The following MARCHF11 variants were observed in gnomAD, a reference collection of about 807,000 sequenced individuals.
The protein encoded by MARCHF11 is E3 ubiquitin-protein ligase MARCHF11.
Under a neutral mutation model 37.3 loss-of-function variants are expected in MARCHF11, and 29 were observed. That is an observed-to-expected ratio of 0.78 (90% CI 0.58 to 1.06). The LOEUF (loss-of-function observed/expected upper bound fraction) is 1.06. Ranked by LOEUF, MARCHF11 falls within the 50% of genes least tolerant of loss-of-function variation. The pLI is 0.00. For missense variants in MARCHF11, 482 were observed against 533.4 expected, an observed-to-expected ratio of 0.90 and a Z score of 0.95; for synonymous variants, 233 against 228.0, an observed-to-expected ratio of 1.02 and a Z score of -0.20.
At chr5:16,120,675 C>T (rs1737295718) in intron 2 of MARCHF11, among the ~76,000 whole-genome samples, 1 of 152,240 alleles carries the variant, frequency 6.6e-6, no homozygotes, top group Non-Finnish European at 1.5e-5. Context: ...CCATCAAGAG[C>T]TGGAATCTAT....
chr5:16,164,134 T>C (rs1188565111), intron 2 of MARCHF11, among the ~76,000 whole-genome samples: 2 of 152,042 alleles, frequency 1.3e-5, no homozygotes, highest in Admixed American at 6.6e-5. Context: ...TAGTTTGTTA[T>C]AACAGCACAA....
intron 2 of MARCHF11, among the ~76,000 whole-genome samples, chr5:16,097,564 T>C (rs750170126): frequency 6.6e-6 from 1 of 152,144 alleles, no homozygotes; most frequent in Non-Finnish European, 1.5e-5. Flanking sequence ...ATACTACAAA[T>C]AGCTGTATGC....
intron 3 of MARCHF11, among the ~76,000 whole-genome samples, chr5:16,071,497 TTTTAA>T (rs1736437076): frequency 6.6e-6 from 1 of 152,130 alleles, no homozygotes; most frequent in Non-Finnish European, 1.5e-5. Context: ...AATAAACAGT[TTTTAA>T]TTTAAGCAAA....
At chr5:16,164,264 G>GA (rs1195248584) in intron 2 of MARCHF11, among the ~76,000 whole-genome samples, 1 of 151,856 alleles carries the variant, frequency 6.6e-6, no homozygotes, top group Non-Finnish European at 1.5e-5. Flanking sequence ...AATATGTGAA[G>GA]AAAAAATGGA....
At chr5:16,113,846 C>T (rs1485837024) in intron 2 of MARCHF11, among the ~76,000 whole-genome samples, 1 of 152,136 alleles carries the variant, frequency 6.6e-6, no homozygotes, top group Non-Finnish European at 1.5e-5. Context: ...TACAGTCTCC[C>T]TACTGTGCTA....
intron 3 of MARCHF11, among the ~76,000 whole-genome samples, chr5:16,081,974 T>G (rs1003779554): frequency 2.0e-4 from 30 of 152,284 alleles, no homozygotes; most frequent in Non-Finnish European, 8.8e-5. Flanking sequence ...CATAACCAAC[T>G]ATGATAATAA....
chr5:16,178,104 A>T (rs1197906151), intron 1 of MARCHF11, among the ~76,000 whole-genome samples: 1 of 152,260 alleles, frequency 6.6e-6, no homozygotes, highest in Non-Finnish European at 1.5e-5. Flanking sequence ...TTCTACCAAC[A>T]TACAAAATGT....
chr5:16,105,639 T>C (rs1579384500), intron 2 of MARCHF11, among the ~76,000 whole-genome samples: 1 of 151,968 alleles, frequency 6.6e-6, no homozygotes, highest in East Asian at 1.9e-4. Context: ...CTGCAGGGGA[T>C]CCCCCAGTCA....
At chr5:16,116,786 G>A (rs1737232684) in intron 2 of MARCHF11, among the ~76,000 whole-genome samples, 1 of 152,168 alleles carries the variant, frequency 6.6e-6, no homozygotes, top group South Asian at 2.1e-4. Flanking sequence ...TTTAAGAAAT[G>A]GGATTTGGGG....
intron 2 of MARCHF11, among the ~76,000 whole-genome samples, chr5:16,146,383 C>A (rs2126594850): frequency 6.6e-6 from 1 of 152,316 alleles, no homozygotes; most frequent in South Asian, 2.1e-4. Flanking sequence ...AGCCTTTCTC[C>A]TTTGCTGAAA....
chr5:16,090,032 A>C (rs1331198634), intron 3 of MARCHF11, among the ~76,000 whole-genome samples: 1 of 152,094 alleles, frequency 6.6e-6, no homozygotes, highest in Admixed American at 6.6e-5. Context: ...TAAAACCCAG[A>C]TGGCTGGGCC....
chr5:16,070,356 C>A (rs551053667), intron 3 of MARCHF11, among the ~76,000 whole-genome samples: 30 of 152,288 alleles, frequency 2.0e-4, no homozygotes, highest in African/African-American at 7.0e-4. Flanking sequence ...CCTCACACTT[C>A]TTCTGGGACG....
intron 2 of MARCHF11, among the ~76,000 whole-genome samples, chr5:16,101,476 T>A (rs972104722): frequency 6.6e-6 from 1 of 152,246 alleles, no homozygotes; most frequent in Non-Finnish European, 1.5e-5. Flanking sequence ...CTAGCTATTA[T>A]TTAAAATCAG....
chr5:16,129,890 T>C (rs1737486830), intron 2 of MARCHF11, among the ~76,000 whole-genome samples: 1 of 152,164 alleles, frequency 6.6e-6, no homozygotes. Context: ...GAGGAAAGCC[T>C]ATCAATGAGA....
intron 2 of MARCHF11, among the ~76,000 whole-genome samples, chr5:16,172,590 T>A (rs925804419): frequency 1.3e-5 from 2 of 152,212 alleles, no homozygotes; most frequent in Non-Finnish European, 2.9e-5. Flanking sequence ...TCTTGAATGA[T>A]TTCAAATGAC....
chr5:16,085,813 G>A lies in MARCHF11; in HGVS notation c.886+5076C>T, dbSNP rs1050879079. Among the ~76,000 whole-genome samples the A allele has an allele frequency of 2.4e-4, 36 of 151,616 alleles. 1 individual carries two copies. Among genetic ancestry groups the A allele is most frequent in the Admixed American group, 1.8e-3 (28 of 15,240 alleles). On this transcript the variant is annotated intron_variant, in intron 3 of 3. Transcript: ENST00000332432. ...TAAAAATACAAAAAATTAGGTGGGC[G>A]CCTGTAGTCCCAGCTACTCAGGAGG...
intron 2 of MARCHF11, among the ~76,000 whole-genome samples, chr5:16,121,594 A>T (rs1189701182): frequency 6.6e-6 from 1 of 152,230 alleles, no homozygotes; most frequent in Non-Finnish European, 1.5e-5. Flanking sequence ...ATCACTGAAG[A>T]GGTGACATTT....
intron 3 of MARCHF11, among the ~76,000 whole-genome samples, chr5:16,083,926 T>C (rs1323021840): frequency 4.6e-5 from 7 of 152,240 alleles, no homozygotes. Context: ...CAAGTAGTCA[T>C]CTTCTATGTG....
At position 16,179,149 on chromosome 5, in the gene MARCHF11, A is replaced by G; in HGVS notation, c.427T>C (p.Ser143Pro). ...CTGCTGCTGCGGCTGCTGCACACCG[A>G]GCGCGTCTCGGGCTGGTCTCCGGCG... ...RGAGDQPETR[S>P]VCSSRSSSSG... The change falls in exon 1 of 4, where the codon TCG becomes CCG. Residue 143 changes from serine (S) to proline (P), a missense_variant. Coordinates refer to ENST00000332432, the MANE Select transcript of MARCHF11 (RefSeq NM_001102562.3). 1.4e-6 allele frequency: 2 copies of G among 1,471,248 alleles called. No individual in the cohort carries two copies. Among genetic ancestry groups the G allele is most frequent in the Non-Finnish European group, 1.8e-6 (2 of 1,118,210 alleles). The allele number at this position is 1,471,248 out of a possible 1,614,324, so 91.1% of individuals were successfully genotyped here.
Sources: allele counts gnomAD v4.1 joint callset (sites outside exome capture counted in the v4.1 genomes callset), GRCh38; gene constraint gnomAD v4.1.1; transcripts MANE v1.5; gene names NCBI Gene and HGNC (gene_info 2026-07-23, HGNC 2026-07-21).